PDE4D: variants seen among roughly 807,000 people sequenced by gnomAD.
The protein encoded by PDE4D is phosphodiesterase 4D.
PDE4D carries 24 observed loss-of-function variants against 87.4 expected under a neutral mutation model. The observed-to-expected ratio is 0.27, with a 90% CI of 0.20 to 0.39. PDE4D has a LOEUF of 0.39. PDE4D is among the 10% of genes least tolerant of loss of function. The probability of loss-of-function intolerance (pLI) is 1.00; values close to 1 mark genes in which losing one functional copy is unlikely to be tolerated. For missense variants in PDE4D, 714 were observed against 1,041.0 expected (o/e 0.69, Z 4.32); for synonymous variants, 384 against 383.2 (o/e 1.00, Z -0.02).
chr5:59,694,077 T>C (rs981406533), intron 1 of PDE4D, among the ~76,000 whole-genome samples: 4 of 152,194 alleles, frequency 2.6e-5, no homozygotes, highest in Non-Finnish European at 4.4e-5. Flanking sequence ...CAGACATTTT[T>C]CCAGTACAAA....
intron 2 of PDE4D, among the ~76,000 whole-genome samples, chr5:60,141,038 A>G (rs80263736): frequency 0.012 from 1,830 of 152,294 alleles, 46 homozygotes; most frequent in African/African-American, 0.042. Flanking sequence ...AATTATAATT[A>G]TCAGCTCTTT....
intron 1 of PDE4D, among the ~76,000 whole-genome samples, chr5:59,668,401 T>A (rs73758840): frequency 0.011 from 1,633 of 152,274 alleles, 24 homozygotes; most frequent in African/African-American, 0.038. Flanking sequence ...TTATGGTCAA[T>A]ACTATGACTT....
intron 1 of PDE4D, among the ~76,000 whole-genome samples, chr5:59,600,211 T>C (rs575524112): frequency 6.6e-6 from 1 of 152,362 alleles, no homozygotes; most frequent in South Asian, 2.1e-4. Flanking sequence ...TTGAGCTTAA[T>C]GTGAGTTAGA....
intron 3 of PDE4D, among the ~76,000 whole-genome samples, chr5:59,905,549 G>A (rs1379544428): frequency 6.6e-6 from 1 of 152,084 alleles, no homozygotes; most frequent in Non-Finnish European, 1.5e-5. Flanking sequence ...TTCCGTTTCA[G>A]CTCCAAGACT....
At chr5:60,411,212 A>T (rs1428359452) in intron 1 of PDE4D, among the ~76,000 whole-genome samples, 1 of 152,232 alleles carries the variant, frequency 6.6e-6, no homozygotes, top group South Asian at 2.1e-4. Flanking sequence ...CATTGCTGAT[A>T]AAAAGGATAA....
At chr5:60,348,762 C>A (rs1160082466) in intron 1 of PDE4D, among the ~76,000 whole-genome samples, 1 of 151,758 alleles carries the variant, frequency 6.6e-6, no homozygotes, top group Admixed American at 6.6e-5. Flanking sequence ...ATTTTAAAGA[C>A]AAAATATATA....
At chr5:59,026,559 C>T (rs2968002) in intron 6 of PDE4D, among the ~76,000 whole-genome samples, 100,166 of 151,862 alleles carry the variant, frequency 0.66, 33,345 homozygotes, top group Admixed American at 0.73. Context: ...CTAAAAACAC[C>T]GTAGAAGACC....
chr5:60,072,578 G>T (rs1772842874), intron 2 of PDE4D, among the ~76,000 whole-genome samples: 1 of 151,900 alleles, frequency 6.6e-6, no homozygotes, highest in South Asian at 2.1e-4. Context: ...TAAAATCTTT[G>T]CCAGTTCCTA....
At chr5:60,182,835 G>A (rs181432345) in intron 2 of PDE4D, among the ~76,000 whole-genome samples, 3,611 of 151,574 alleles carry the variant, frequency 0.024, 66 homozygotes, top group Non-Finnish European at 0.035. Context: ...AGCCGAGATC[G>A]CGCCACTGCG....
intron 1 of PDE4D, among the ~76,000 whole-genome samples, chr5:59,861,910 A>G (rs1746337157): frequency 6.6e-6 from 1 of 152,240 alleles, no homozygotes; most frequent in Non-Finnish European, 1.5e-5. Context: ...AACAGCTGGC[A>G]AAGGCCTGAG....
intron 1 of PDE4D, among the ~76,000 whole-genome samples, chr5:59,673,898 A>G (rs1365314106): frequency 6.6e-6 from 1 of 152,214 alleles, no homozygotes; most frequent in African/African-American, 2.4e-5. Context: ...TTAGTCATGT[A>G]GTTTCCGAAA....
At chr5:59,889,209 G>C (rs1418097317) in intron 1 of PDE4D, among the ~76,000 whole-genome samples, 1 of 139,522 alleles carries the variant, frequency 7.2e-6, no homozygotes, top group African/African-American at 2.7e-5. Context: ...CAGCCTGGGT[G>C]ACAGAGCGAG....
chr5:60,199,270 A>G (rs941364069), intron 1 of PDE4D, among the ~76,000 whole-genome samples: 5 of 151,770 alleles, frequency 3.3e-5, no homozygotes, highest in African/African-American at 1.2e-4. Context: ...GACCTGACAC[A>G]CAGAAGAAAA....
chr5:60,393,080 C>T (rs1022140577), intron 1 of PDE4D, among the ~76,000 whole-genome samples: 3 of 152,176 alleles, frequency 2.0e-5, no homozygotes, highest in African/African-American at 7.2e-5. Context: ...CTCTGATGGA[C>T]TTTTTTTGAA....
Position 60,451,670 on chromosome 5 carries a change from A to G in PDE4D, c.-90+36272T>C, listed in dbSNP as rs113468994. Among the ~76,000 whole-genome samples the G allele has an allele frequency of 9.4e-3, 1,431 of 152,222 alleles. 27 individuals are homozygous for G. The highest frequency in any genetic ancestry group is 0.033 in the African/African-American group (1,385 of 41,566). ...TCTCCCAAGGAGGAAAACTTGCAGA[A>G]GTTTGAATGGAGTTGAGAGATTTTT... On this transcript the variant is annotated intron_variant, in intron 1 of 16. Transcript: ENST00000502484.
rs754869518 is a variant in PDE4D, at chr5:59,754,797, A to ATTTTTTTTTTTTTTTT, written c.455+138355_455+138370dup. On this transcript the variant is annotated intron_variant, in intron 1 of 14. Coordinates refer to ENST00000340635, the MANE Select transcript of PDE4D (RefSeq NM_001104631.2). The stretch of plus-strand genomic sequence containing the variant: ...GCAGGTACAGAATTTTCCACAGAAC[A>ATTTTTTTTTTTTTTTT]TTTTTTTTTTTTTTTTTTTTTTTTT... 1.5e-4 allele frequency among the ~76,000 whole-genome samples: 15 copies of ATTTTTTTTTTTTTTTT among 96,868 alleles called. 7 individuals carry two copies. Among genetic ancestry groups the ATTTTTTTTTTTTTTTT allele is most frequent in the Non-Finnish European group, 1.0e-4 (5 of 49,874 alleles). The allele number at this position is 96,868 out of a possible 152,430, so 63.5% of individuals were successfully genotyped here. A position where few individuals can be genotyped will look rare whatever the true frequency, so the allele number is the denominator to read the frequency against.
At chr5:59,940,637 A>G (rs1757078655) in intron 3 of PDE4D, among the ~76,000 whole-genome samples, 1 of 152,178 alleles carries the variant, frequency 6.6e-6, no homozygotes, top group South Asian at 2.1e-4. Context: ...TTTTGGTAGT[A>G]TTTAATCAAA....
intron 1 of PDE4D, among the ~76,000 whole-genome samples, chr5:59,687,076 C>T (rs575999989): frequency 6.6e-6 from 1 of 152,134 alleles, no homozygotes; most frequent in African/African-American, 2.4e-5. Flanking sequence ...TGAAAGAATG[C>T]TGTAATTGAA....
intron 2 of PDE4D, among the ~76,000 whole-genome samples, chr5:60,071,058 G>A (rs1476850618): frequency 6.6e-6 from 1 of 151,248 alleles, no homozygotes; most frequent in Non-Finnish European, 1.5e-5. Context: ...TTTTATTTGA[G>A]GCATCGCTCT....
Sources: allele counts gnomAD v4.1 joint callset (sites outside exome capture counted in the v4.1 genomes callset), GRCh38; gene constraint gnomAD v4.1.1; transcripts MANE v1.5; gene names NCBI Gene and HGNC (gene_info 2026-07-23, HGNC 2026-07-21).